Variants in EML1 observed in about 807,000 individuals in gnomAD.
EML1 encodes echinoderm microtubule-associated protein-like 1.
Under a neutral mutation model 110.4 loss-of-function variants are expected in EML1, and 27 were observed. The observed-to-expected ratio is 0.24, with a 90% CI of 0.18 to 0.34. The LOEUF (loss-of-function observed/expected upper bound fraction) is 0.34, where lower values mean the gene tolerates loss of function less well. EML1 is among the 10% of genes least tolerant of loss of function. EML1 has a pLI of 1.00. For missense variants in EML1, 741 were observed against 1,030.9 expected (o/e 0.72, Z 3.85); for synonymous variants, 344 against 385.8 (o/e 0.89, Z 1.27).
At chr14:99,759,272 A>G (rs1425473297) in intron 1 of EML1, among the ~76,000 whole-genome samples, 4 of 152,226 alleles carry the variant, frequency 2.6e-5, no homozygotes, top group African/African-American at 7.2e-5. Context: ...CCCTTCCACA[A>G]GGCCAGGCTG....
At chr14:99,900,349 G>A (rs2093357) in intron 8 of EML1, among the ~76,000 whole-genome samples, 84,593 of 151,582 alleles carry the variant, frequency 0.56, 24,036 homozygotes, top group African/African-American at 0.67. Flanking sequence ...TACCACGCCC[G>A]GCTAATTTTT....
At chr14:99,766,572 C>T (rs750885392) in intron 1 of EML1, among the ~76,000 whole-genome samples, 2 of 152,104 alleles carry the variant, frequency 1.3e-5, no homozygotes, top group African/African-American at 2.4e-5. Context: ...AGGGGGGCTT[C>T]CCAACAGCAG....
chr14:99,893,774 A>G (rs1032757251), intron 5 of EML1, among the ~76,000 whole-genome samples: 2 of 152,222 alleles, frequency 1.3e-5, no homozygotes, highest in African/African-American at 4.8e-5. Context: ...GTGAAATTTC[A>G]GAATTCAGCG....
chr14:99,809,440 C>T (rs574342019), intron 1 of EML1: 29 of 327,814 alleles, frequency 8.8e-5, no homozygotes, highest in African/African-American at 3.2e-4. Context: ...TACTTACTCA[C>T]GCAATTTTCC....
chr14:99,849,267 C>T (rs1266591914), intron 1 of EML1, among the ~76,000 whole-genome samples: 2 of 152,094 alleles, frequency 1.3e-5, no homozygotes, highest in Non-Finnish European at 2.9e-5. Flanking sequence ...TTTTTTCTCA[C>T]GTGGTACTTT....
intron 1 of EML1, among the ~76,000 whole-genome samples, chr14:99,760,510 A>G (rs1193950961): frequency 6.6e-6 from 1 of 152,186 alleles, no homozygotes; most frequent in Non-Finnish European, 1.5e-5. Context: ...GGTGTTTAGA[A>G]CGCACCGTTC....
intron 1 of EML1, among the ~76,000 whole-genome samples, chr14:99,810,844 A>C (rs2058063077): frequency 6.6e-6 from 1 of 152,222 alleles, no homozygotes; most frequent in Non-Finnish European, 1.5e-5. Flanking sequence ...CAGCACAAAA[A>C]AATGATACAT....
chr14:99,849,315 C>A (rs1227814478), intron 1 of EML1, among the ~76,000 whole-genome samples: 1 of 152,116 alleles, frequency 6.6e-6, no homozygotes, highest in African/African-American at 2.4e-5. Context: ...CTCCTTAGTT[C>A]ATGATAAGTC....
chr14:99,815,087 T>C (rs1471439635), intron 1 of EML1, among the ~76,000 whole-genome samples: 3 of 151,764 alleles, frequency 2.0e-5, no homozygotes, highest in African/African-American at 7.3e-5. Context: ...CATTTTGATA[T>C]CTGCGAGCTT....
Position 99,892,994 on chromosome 14 carries a change from G to A in EML1, c.548-1635G>A, listed in dbSNP as rs116146238. ...GGGTGCTTTTAGATTCTTTGGTTGT[G>A]GTAGCCACACAGCCCCTGATGAGCT... On this transcript the variant is annotated intron_variant, in intron 5 of 21. Transcript: ENST00000262233. Among the ~76,000 whole-genome samples, 1,452 of 152,098 alleles carry A rather than the reference G, an allele frequency of 9.5e-3. 28 individuals are homozygous for A. The highest frequency in any genetic ancestry group is 0.033 in the African/African-American group (1,380 of 41,454).
chr14:99,739,079 TG>T (rs2057005871), intron 1 of EML1, among the ~76,000 whole-genome samples: 1 of 125,150 alleles, frequency 8.0e-6, no homozygotes, highest in South Asian at 2.5e-4. Flanking sequence ...TGTGTGTGTG[TG>T]TGTGTGTGTG....
rs373052541 is a variant in EML1 at position 99,815,261 on chromosome 14, C to G, written c.67+21718C>G. 2.8e-4 allele frequency among the ~76,000 whole-genome samples: 42 copies of G among 151,884 alleles called. No homozygotes were observed. In the East Asian group the frequency reaches 4.5e-3, roughly 16 times the overall value. Reference sequence around the variant, plus strand: ...GGTTCACACTTTTCTCCTGCCTCAGCCTTCCAAGTAGCTGGGACTACAGGC... The same window carrying G: ...GGTTCACACTTTTCTCCTGCCTCAGGCTTCCAAGTAGCTGGGACTACAGGC... On this transcript the variant is annotated intron_variant, in intron 1 of 21. Coordinates refer to ENST00000262233, the MANE Select transcript of EML1 (RefSeq NM_004434.3).
At chr14:99,890,693 C>G (rs1271259513) in intron 4 of EML1, among the ~76,000 whole-genome samples, 1 of 152,160 alleles carries the variant, frequency 6.6e-6, no homozygotes, top group African/African-American at 2.4e-5. Flanking sequence ...CTGGAGGGTA[C>G]CACACCCTGG....
chr14:99,806,184 A>C (rs544594932), intron 1 of EML1, among the ~76,000 whole-genome samples: 94 of 152,312 alleles, frequency 6.2e-4, no homozygotes, highest in African/African-American at 2.2e-3. Context: ...CCTGGGCAAG[A>C]AGTGGGATAA....
rs772778366 is a variant in EML1 at position 99,936,151 on chromosome 14, G to A, written c.2007+25G>A. On this transcript the variant is annotated intron_variant, in intron 18 of 21. Coordinates refer to ENST00000262233, the MANE Select transcript of EML1 (RefSeq NM_004434.3). This position sits in a 1 kb window ranked among gnomAD's most constrained non-coding sequence, Gnocchi z 5.5. Reference sequence around the variant, plus strand: ...GGTAAGCGCTGACAGTGGACCTGTCGCTTCTCATGCACTGCGTATAGTTTA... The same window carrying A: ...GGTAAGCGCTGACAGTGGACCTGTCACTTCTCATGCACTGCGTATAGTTTA... The A allele has an allele frequency of 2.5e-6, 4 of 1,613,076 alleles. No individual in the cohort carries two copies. The highest frequency in any genetic ancestry group is 2.2e-5 in the East Asian group (1 of 44,886).
intron 17 of EML1, among the ~76,000 whole-genome samples, chr14:99,921,438 C>A (rs2060129050): frequency 6.6e-6 from 1 of 152,178 alleles, no homozygotes; most frequent in South Asian, 2.1e-4. Context: ...CAAGCCTCCT[C>A]AGAGTAAAAT....
chr14:99,754,134 G>C (rs968937082), intron 1 of EML1, among the ~76,000 whole-genome samples: 1 of 152,248 alleles, frequency 6.6e-6, no homozygotes. Context: ...CTCTAAAGTG[G>C]CTCAACCCTG....
At chr14:99,745,228 G>A (rs528899289) in intron 1 of EML1, among the ~76,000 whole-genome samples, 1 of 152,222 alleles carries the variant, frequency 6.6e-6, no homozygotes, top group East Asian at 1.9e-4. Context: ...ACCACACCTG[G>A]CTAATTTTTG....
chr14:99,848,020 A>G (rs1227699973), intron 1 of EML1, among the ~76,000 whole-genome samples: 1 of 152,114 alleles, frequency 6.6e-6, no homozygotes, highest in Admixed American at 6.6e-5. Flanking sequence ...GTAACATGTA[A>G]TAGAATTATT....
Sources: gnomAD v4.1 joint callset for allele counts (sites outside exome capture counted in the v4.1 genomes callset) on GRCh38, gnomAD v4.1.1 for gene constraint, Gnocchi (gnomAD v3.1) non-coding constraint, MANE v1.5 for transcripts, NCBI Gene and HGNC (gene_info 2026-07-23, HGNC 2026-07-21) for gene names.